The following SP110 variants were observed in gnomAD, a reference collection of about 807,000 sequenced individuals.
SP110 encodes the protein SP110 nuclear body protein.
SP110 carries 62 observed loss-of-function variants against 92.7 expected under a neutral mutation model. That is an observed-to-expected ratio of 0.67 (90% CI 0.55 to 0.83). SP110 has a LOEUF of 0.83. SP110 is among the 40% of genes least tolerant of loss of function. The probability of loss-of-function intolerance (pLI) is 0.00; values close to 1 mark genes in which losing one functional copy is unlikely to be tolerated. For synonymous variants in SP110, 273 were observed against 305.3 expected (o/e 0.89, Z 1.10); for missense variants, 793 against 863.9 (o/e 0.92, Z 1.03).
Position 230,177,653 on chromosome 2 carries a change from T to C in SP110, c.1475A>G (p.Glu492Gly). The part of the protein sequence containing the change: ...HGSSVKCIRN[E>G]DGTWLTPNEF... ...ATTTGGTGTTAACCAAGTTCCATCC[T>C]CATTCCGAATGCACTTCACTGAGGA... Residue 492 changes from glutamate to glycine, a missense_variant, in exon 14 of 19, where the codon GAG becomes GGG. By Grantham distance (98) the Glu-to-Gly change is moderately conservative. Coordinates refer to ENST00000258381, the MANE Select transcript of SP110 (RefSeq NM_080424.4). The C allele has an allele frequency of 1.2e-6, 2 of 1,614,208 alleles. No homozygotes were observed. Among genetic ancestry groups the C allele is most frequent in the Non-Finnish European group, 1.7e-6 (2 of 1,180,012 alleles).
At chr2:230,220,089 C>T (rs1006112073), upstream of SP110, 3 of 985,414 alleles carry the variant, frequency 3.0e-6, no homozygotes, top group Non-Finnish European at 3.6e-6. Flanking sequence ...CCTGCAGCCT[C>T]TCTCCACCTC....
At chr2:230,221,991 G>A (rs1243226999), upstream of SP110, among the ~76,000 whole-genome samples, 1 of 152,234 alleles carries the variant, frequency 6.6e-6, no homozygotes, top group African/African-American at 2.4e-5. Flanking sequence ...ACTTTGGGAG[G>A]CTGAGGCAGG....
At chr2:230,198,023 G>A (rs949282483) in intron 10 of SP110, among the ~76,000 whole-genome samples, 1 of 152,214 alleles carries the variant, frequency 6.6e-6, no homozygotes, top group African/African-American at 2.4e-5. Flanking sequence ...AGGCTGTGCT[G>A]CAGTAACAAA....
intron 10 of SP110, among the ~76,000 whole-genome samples, chr2:230,199,406 A>C (rs1211302910): frequency 6.6e-6 from 1 of 151,508 alleles, no homozygotes; most frequent in Non-Finnish European, 1.5e-5. Context: ...ACAGGGTTTC[A>C]TCATGCTGGC....
Position 230,186,155 on chromosome 2 carries a change from A to G in SP110, c.1130-12T>C, listed in dbSNP as rs757828861. The G allele has an allele frequency of 3.1e-6, 5 of 1,613,728 alleles. No homozygotes were observed. The African/African-American group carries it at 6.7e-5, about 22-fold the overall frequency. On this transcript the variant is annotated splice_polypyrimidine_tract_variant and intron_variant, in intron 10 of 18. Transcript: ENST00000258381. Reference sequence around the variant, plus strand: ...AGGTGAGGCTGCCCCTGGACCAAATAGACTTGTGAATAGTTTAGTGAGCTC... The same window carrying G: ...AGGTGAGGCTGCCCCTGGACCAAATGGACTTGTGAATAGTTTAGTGAGCTC...
upstream of SP110, among the ~76,000 whole-genome samples, chr2:230,220,762 A>G (rs1408729513): frequency 6.6e-6 from 1 of 152,122 alleles, no homozygotes; most frequent in Non-Finnish European, 1.5e-5. Context: ...CCAGGACTTT[A>G]GGAGGCCAAG....
chr2:230,215,870 GA>G (rs2045105190), intron 2 of SP110, among the ~76,000 whole-genome samples: 1 of 152,100 alleles, frequency 6.6e-6, no homozygotes, highest in African/African-American at 2.4e-5. Context: ...GATTGCTATG[GA>G]ACTGAATAAC....
rs556427421 is a variant in SP110, at chr2:230,177,872, T to A, written c.1448-192A>T. On this transcript the variant is annotated intron_variant, in intron 13 of 18. Transcript: ENST00000258381. ...CCAGCCCTAAAGCCTGACTGAGTGG[T>A]GAGGGGTGGGACAGAATGTGCATTC... is the stretch of plus-strand genomic sequence containing the variant. Among the ~76,000 whole-genome samples, 129 of 152,124 alleles carry A rather than the reference T, an allele frequency of 8.5e-4. 1 individual carries two copies. The highest frequency in any genetic ancestry group is 2.9e-3 in the African/African-American group (120 of 41,488).
At chr2:230,194,227 C>T (rs1051447401) in intron 10 of SP110, among the ~76,000 whole-genome samples, 10 of 152,016 alleles carry the variant, frequency 6.6e-5, no homozygotes, top group Admixed American at 5.9e-4. Flanking sequence ...AGGCTGGCTC[C>T]CATAAAGGTA....
At chr2:230,219,506 G>A (rs1346144423) in intron 1 of SP110, 1 of 152,094 alleles carries the variant, frequency 6.6e-6, no homozygotes, top group Non-Finnish European at 1.5e-5. Context: ...CACTAGAGAC[G>A]AAATTAAATG....
Position 230,166,613 on chromosome 2 carries a change from A to T in SP110, c.*2511T>A, listed in dbSNP as rs1473266311. Reference sequence around the variant, plus strand: ...TAACAAACAAAAATAAACTCCACAGAAATTTAGAAATCAACTTAGTTTGTT... The same window carrying T: ...TAACAAACAAAAATAAACTCCACAGTAATTTAGAAATCAACTTAGTTTGTT... On this transcript the variant is annotated 3_prime_UTR_variant, in exon 19 of 19. Transcript: ENST00000258381. Among the ~76,000 whole-genome samples, 6 of 152,200 alleles carry T rather than the reference A, an allele frequency of 3.9e-5. No individual in the cohort carries two copies. The highest frequency in any genetic ancestry group is 3.9e-4 in the Admixed American group (6 of 15,276).
chr2:230,203,854 G>C (rs780525043), intron 8 of SP110, among the ~76,000 whole-genome samples: 44 of 152,166 alleles, frequency 2.9e-4, no homozygotes, highest in Admixed American at 5.9e-4. Context: ...GAGGAATGGG[G>C]AGTTGTTTAA....
chr2:230,199,767 T>C (rs2043049795), intron 10 of SP110, among the ~76,000 whole-genome samples: 1 of 152,136 alleles, frequency 6.6e-6, no homozygotes, highest in Non-Finnish European at 1.5e-5. Flanking sequence ...ATCCATAGGA[T>C]CTTGGAAGTA....
At chr2:230,215,161 T>G (rs757714186) in intron 2 of SP110, 43 bp from the exon 3 acceptor site, 1 of 1,470,478 alleles carries the variant, frequency 6.8e-7, no homozygotes, top group Admixed American at 1.7e-5. Flanking sequence ...ACTATAAAAT[T>G]GAATGGGAAG....
intron 17 of SP110, chr2:230,171,335 G>A: frequency 3.0e-6 from 1 of 335,788 alleles, no homozygotes; most frequent in South Asian, 2.7e-5. Flanking sequence ...CAAGTGATCT[G>A]CCCGCCTTGG....
At chr2:230,216,587 T>C (rs376614181) in intron 2 of SP110, among the ~76,000 whole-genome samples, 194 bp downstream of exon 2, 3 of 152,220 alleles carry the variant, frequency 2.0e-5, no homozygotes, top group African/African-American at 7.2e-5. Context: ...ACAGCAGTCC[T>C]TATGACACCC....
chr2:230,207,486 A>G (rs2043997816), intron 8 of SP110, among the ~76,000 whole-genome samples: 1 of 152,142 alleles, frequency 6.6e-6, no homozygotes, highest in Non-Finnish European at 1.5e-5. Flanking sequence ...ACATCTATAC[A>G]CAGCTGCATA....
chr2:230,180,732 T>C (rs2042093476), intron 12 of SP110, among the ~76,000 whole-genome samples: 1 of 152,144 alleles, frequency 6.6e-6, no homozygotes, highest in African/African-American at 2.4e-5. Flanking sequence ...ACAGCACAGA[T>C]ACTCTGCATT....
chr2:230,215,025 G>A lies in SP110; in HGVS notation c.241C>T (p.Leu81=). ...TTAATTTGACTGAACAATGTCACCA[G>A]AAGAGACAGGTTAAAAGTCCTCTCC... ...QLERTFNLSL[L]VTLFSQINLR... is the part of the protein sequence containing the mutation. The change falls in exon 3 of 19, where the codon CTG becomes TTG. Residue 81 remains leucine, a synonymous_variant. Transcript: ENST00000258381. The A allele has an allele frequency of 6.2e-7, 1 of 1,613,538 alleles. No individual in the cohort carries two copies. Among genetic ancestry groups the A allele is most frequent in the Non-Finnish European group, 8.5e-7 (1 of 1,179,426 alleles).
Sources: gnomAD v4.1 joint callset for allele counts (sites outside exome capture counted in the v4.1 genomes callset) on GRCh38, gnomAD v4.1.1 for gene constraint, MANE v1.5 for transcripts, NCBI Gene and HGNC (gene_info 2026-07-23, HGNC 2026-07-21) for gene names.